OTOA: variants seen among roughly 807,000 people sequenced by gnomAD.
OTOA encodes the protein otoancorin.
In OTOA, 70 loss-of-function variants were observed where a neutral mutation model predicts 110.8. The ratio of observed to expected loss-of-function variants is 0.63; its 90% CI spans 0.52 to 0.77. The LOEUF is 0.77. Ranked by LOEUF, OTOA falls within the 30% of genes least tolerant of loss-of-function variation. The pLI, the probability that OTOA is intolerant of heterozygous loss-of-function variation, is 0.00. For synonymous variants in OTOA, 373 were observed against 431.5 expected (o/e 0.86, Z 1.68); for missense variants, 917 against 1,075.8 (o/e 0.85, Z 2.06).
At chr16:21,731,372 A>G (rs1899112062) in intron 21 of OTOA, among the ~76,000 whole-genome samples, 1 of 152,256 alleles carries the variant, frequency 6.6e-6, no homozygotes, top group South Asian at 2.1e-4. Context: ...GTAAGGCTCC[A>G]GAAGTTAGAC....
chr16:21,710,248 C>T, intron 13 of OTOA, 145 bp downstream of exon 13: 1 of 954,334 alleles, frequency 1.0e-6, no homozygotes, highest in South Asian at 1.6e-5. Flanking sequence ...ACTGGGAAGT[C>T]CAACATCGAG....
At chr16:21,699,479 A>T (rs1338946368) in intron 10 of OTOA, among the ~76,000 whole-genome samples, 1 of 151,532 alleles carries the variant, frequency 6.6e-6, no homozygotes, top group Non-Finnish European at 1.5e-5. Flanking sequence ...CTACAAAAAA[A>T]TTTAAAAATT....
chr16:21,712,097 A>G lies in OTOA; in HGVS notation c.1320+1994A>G, dbSNP rs1473382738. ...AATCCCAGCACTTTGGGAGGCCAAG[A>G]TGAATGGATCACTTGAGGCTAGGGG... On this transcript the variant is annotated intron_variant, in intron 13 of 28. Coordinates refer to ENST00000646100, the MANE Select transcript of OTOA (RefSeq NM_144672.4). Among the ~76,000 whole-genome samples, 3 of 151,930 alleles carry G rather than the reference A, an allele frequency of 2.0e-5. No homozygotes were observed. The East Asian group carries it at 5.8e-4, about 29-fold the overall frequency.
rs146969285 is a variant in OTOA, at chr16:21,680,514, AAAACAAAC to A, written c.180-1208_180-1201del. ...GGGCAACAGAGTGAGACTCCATCGC[AAAACAAAC>A]AAACAAACAAACAAAGAAGCAAACG... On this transcript the variant is annotated intron_variant, in intron 5 of 28. Transcript: ENST00000646100. Among the ~76,000 whole-genome samples the A allele has an allele frequency of 1.6e-3, 233 of 145,056 alleles. 7 individuals are homozygous for A. The East Asian group carries it at 0.043, about 27-fold the overall frequency.
chr16:21,685,805 C>T (rs926182005), intron 7 of OTOA, among the ~76,000 whole-genome samples: 13 of 152,070 alleles, frequency 8.5e-5, no homozygotes, highest in African/African-American at 2.4e-4. Context: ...TTGCCTGCCT[C>T]GGCATCCCAA....
chr16:21,698,569 G>A (rs1897989633), intron 10 of OTOA, among the ~76,000 whole-genome samples: 1 of 151,986 alleles, frequency 6.6e-6, no homozygotes, highest in Non-Finnish European at 1.5e-5. Flanking sequence ...TAAGTCATAT[G>A]TGCCCTGACT....
At chr16:21,704,396 G>T (rs1049786051) in intron 11 of OTOA, among the ~76,000 whole-genome samples, 2 of 152,098 alleles carry the variant, frequency 1.3e-5, no homozygotes, top group African/African-American at 4.8e-5. Flanking sequence ...TGGAGAGATG[G>T]CATAGGTGGA....
Position 21,679,281 on chromosome 16 carries a change from T to C in OTOA, c.179+70T>C, listed in dbSNP as rs546772662. On this transcript the variant is annotated intron_variant, in intron 5 of 28. Coordinates refer to ENST00000646100, the MANE Select transcript of OTOA (RefSeq NM_144672.4). ...AATAAAAATTCTTAATGGAAGTCTCTTAATTGTAAAAAGTAATATGTGCTC... is the reference window on the plus strand; with the variant it reads ...AATAAAAATTCTTAATGGAAGTCTCCTAATTGTAAAAAGTAATATGTGCTC... 4.3e-5 allele frequency: 66 copies of C among 1,519,154 alleles called. No homozygotes were observed. The African/African-American group carries it at 8.7e-4, about 20-fold the overall frequency. The allele number at this position is 1,519,154 out of a possible 1,614,324, so 94.1% of individuals were successfully genotyped here.
intron 12 of OTOA, among the ~76,000 whole-genome samples, chr16:21,705,626 A>C (rs1056395338): frequency 3.3e-5 from 5 of 151,808 alleles, no homozygotes; most frequent in African/African-American, 1.2e-4. Context: ...CCTGGTCAAC[A>C]TCATGAGACC....
chr16:21,744,357 G>T (rs1899586910), intron 23 of OTOA, among the ~76,000 whole-genome samples: 1 of 151,774 alleles, frequency 6.6e-6, no homozygotes, highest in Non-Finnish European at 1.5e-5. Context: ...ATGTTGGCCA[G>T]GCTGGTCTTG....
In OTOA at chr16:21,715,032, G is replaced by GCC. The variant is rs746812073; in HGVS notation, c.1368_1369insCC (p.Val457ProfsTer10). The stretch of plus-strand genomic sequence containing the variant: ...GCCAGATGGGCGCACTGCTGGCTGG[G>GCC]GTCAGCACCCAGGCCTTCTGCAGCA... On this transcript the variant is annotated frameshift_variant, in exon 14 of 29. Transcript: ENST00000646100. LOFTEE classifies it high-confidence loss of function. 4 of 1,614,188 alleles carry GCC rather than the reference G, an allele frequency of 2.5e-6. No individual in the cohort carries two copies. Among genetic ancestry groups the GCC allele is most frequent in the Non-Finnish European group, 3.4e-6 (4 of 1,180,016 alleles).
At chr16:21,672,751 C>T (rs1597802722) in intron 1 of OTOA, among the ~76,000 whole-genome samples, 1 of 152,098 alleles carries the variant, frequency 6.6e-6, no homozygotes, top group Non-Finnish European at 1.5e-5. Flanking sequence ...AAACATTTCT[C>T]ATTTCTTTCT....
At chr16:21,716,152 C>T (rs767802067) in intron 14 of OTOA, among the ~76,000 whole-genome samples, 4 of 151,380 alleles carry the variant, frequency 2.6e-5, no homozygotes, top group African/African-American at 7.4e-5. Context: ...CTACCTGCCC[C>T]GGCCTCCTAC....
chr16:21,735,437 A>G (rs2141730746), intron 21 of OTOA, among the ~76,000 whole-genome samples: 1 of 152,222 alleles, frequency 6.6e-6, no homozygotes, highest in Admixed American at 6.5e-5. Flanking sequence ...ATCTGCCCCC[A>G]TGATCCAATC....
At chr16:21,712,939 G>A (rs1220749875) in intron 13 of OTOA, among the ~76,000 whole-genome samples, 10 of 152,056 alleles carry the variant, frequency 6.6e-5, no homozygotes, top group Non-Finnish European at 1.0e-4. Flanking sequence ...TGCTGGAGTC[G>A]GCCTCAGGAA....
intron 17 of OTOA, chr16:21,721,608 G>C: frequency 2.4e-6 from 1 of 417,174 alleles, no homozygotes; most frequent in Non-Finnish European, 4.9e-6. Context: ...TAAAATATAG[G>C]CCGGTCACAA....
At chr16:21,669,929 C>T (rs1966846831) in intron 1 of OTOA, among the ~76,000 whole-genome samples, 1 of 152,018 alleles carries the variant, frequency 6.6e-6, no homozygotes, top group Non-Finnish European at 1.5e-5. Context: ...AGTTCGAGAC[C>T]AGCCTGGCCA....
chr16:21,696,134 C>G (rs888557000), intron 9 of OTOA, among the ~76,000 whole-genome samples: 1 of 151,664 alleles, frequency 6.6e-6, no homozygotes, highest in Non-Finnish European at 1.5e-5. Context: ...ACCTTGTGAT[C>G]CACCTGCCTC....
intron 5 of OTOA, among the ~76,000 whole-genome samples, chr16:21,680,381 G>T (rs1329319623): frequency 6.6e-6 from 1 of 152,118 alleles, no homozygotes; most frequent in Admixed American, 6.6e-5. Flanking sequence ...AGGCATGGTG[G>T]TGCATACCTG....
Sources: allele counts gnomAD v4.1 joint callset (sites outside exome capture counted in the v4.1 genomes callset), GRCh38; gene constraint gnomAD v4.1.1; transcripts MANE v1.5; gene names NCBI Gene and HGNC (gene_info 2026-07-23, HGNC 2026-07-21).